The following PPP1R1C variants were observed in gnomAD, a reference collection of about 807,000 sequenced individuals.
PPP1R1C encodes protein phosphatase 1 regulatory inhibitor subunit 1C.
Under a neutral mutation model 17.4 loss-of-function variants are expected in PPP1R1C, and 15 were observed. The ratio of observed to expected loss-of-function variants is 0.86; its 90% CI spans 0.58 to 1.33. The LOEUF (loss-of-function observed/expected upper bound fraction) is 1.33. Ranked by LOEUF, PPP1R1C falls within the 40% of genes most tolerant of loss-of-function variation. The pLI, the probability that PPP1R1C is intolerant of heterozygous loss-of-function variation, is 0.00. For missense variants in PPP1R1C, 143 were observed against 130.0 expected (o/e 1.10, Z -0.48); for synonymous variants, 35 against 43.1 (o/e 0.81, Z 0.73).
At chr2:182,131,330 T>C (rs926288012), downstream of PPP1R1C, 2 of 152,142 alleles carry the variant, frequency 1.3e-5, no homozygotes, top group Admixed American at 6.6e-5. Context: ...TGTATATATG[T>C]ATATTCATAA....
chr2:181,994,483 T>G (rs1263760961), intron 2 of PPP1R1C, among the ~76,000 whole-genome samples: 1 of 152,200 alleles, frequency 6.6e-6, no homozygotes, highest in Non-Finnish European at 1.5e-5. Flanking sequence ...CTTTTAAGAC[T>G]TAGTCTAGAC....
intron 2 of PPP1R1C, among the ~76,000 whole-genome samples, chr2:181,999,458 T>C (rs1329969497): frequency 6.6e-6 from 1 of 152,162 alleles, no homozygotes; most frequent in Non-Finnish European, 1.5e-5. Context: ...GTAATGTACA[T>C]ATAGATTGTG....
chr2:182,054,267 G>A (rs915487918), intron 2 of PPP1R1C, among the ~76,000 whole-genome samples: 1 of 152,122 alleles, frequency 6.6e-6, no homozygotes, highest in Non-Finnish European at 1.5e-5. Flanking sequence ...TTCTGTAATG[G>A]TAACATTTAT....
chr2:182,070,789 T>TA (rs1688117274), intron 4 of PPP1R1C, among the ~76,000 whole-genome samples: 1 of 152,214 alleles, frequency 6.6e-6, no homozygotes, highest in Non-Finnish European at 1.5e-5. Context: ...AGCATGATGC[T>TA]AGCACCTGCT....
chr2:181,973,165 C>T (rs1163419079), intron 1 of PPP1R1C, among the ~76,000 whole-genome samples: 3 of 152,108 alleles, frequency 2.0e-5, no homozygotes, highest in Non-Finnish European at 2.9e-5. Context: ...ACCAGGCCCA[C>T]CCCAGACCAC....
intron 2 of PPP1R1C, among the ~76,000 whole-genome samples, chr2:182,051,446 T>C (rs550597462): frequency 6.6e-6 from 1 of 152,326 alleles, no homozygotes; most frequent in East Asian, 1.9e-4. Flanking sequence ...TTCATAAGGC[T>C]TAGCCATGGT....
downstream of PPP1R1C, among the ~76,000 whole-genome samples, chr2:182,122,687 T>G (rs1689762056): frequency 6.6e-6 from 1 of 152,086 alleles, no homozygotes; most frequent in African/African-American, 2.4e-5. Context: ...TGAGATTTAC[T>G]TTTAAATACG....
intron 4 of PPP1R1C, among the ~76,000 whole-genome samples, chr2:182,114,795 A>G (rs1689534614): frequency 6.6e-6 from 1 of 152,202 alleles, no homozygotes; most frequent in South Asian, 2.1e-4. Flanking sequence ...CATTTGTCCA[A>G]GCGAGTGATT....
At chr2:182,122,077 G>A (rs975868180), downstream of PPP1R1C, among the ~76,000 whole-genome samples, 1 of 152,140 alleles carries the variant, frequency 6.6e-6, no homozygotes, top group African/African-American at 2.4e-5. Flanking sequence ...TAAGTTAGGG[G>A]TTATTTTTCT....
At chr2:182,022,298 C>A (rs565235089) in intron 2 of PPP1R1C, among the ~76,000 whole-genome samples, 1 of 152,206 alleles carries the variant, frequency 6.6e-6, no homozygotes, top group South Asian at 2.1e-4. Context: ...CTTTGCAAGG[C>A]TCTGGGGGGA....
intron 4 of PPP1R1C, among the ~76,000 whole-genome samples, chr2:182,078,803 T>G (rs915205204): frequency 6.6e-6 from 1 of 152,228 alleles, no homozygotes; most frequent in African/African-American, 2.4e-5. Flanking sequence ...ATATGTATAG[T>G]GCCCAATATG....
chr2:182,122,554 G>GT (rs969812936), downstream of PPP1R1C, among the ~76,000 whole-genome samples: 14 of 151,978 alleles, frequency 9.2e-5, no homozygotes, highest in Admixed American at 2.0e-4. Flanking sequence ...CTAGTTTTTT[G>GT]TTTTTTTGAG....
chr2:182,058,026 C>G (rs1687740593), intron 2 of PPP1R1C, among the ~76,000 whole-genome samples: 1 of 152,042 alleles, frequency 6.6e-6, no homozygotes, highest in African/African-American at 2.4e-5. Flanking sequence ...TTTCCCTATT[C>G]TTAATATTCT....
intron 2 of PPP1R1C, among the ~76,000 whole-genome samples, chr2:182,040,925 T>C (rs773236782): frequency 6.6e-6 from 1 of 152,214 alleles, no homozygotes; most frequent in Non-Finnish European, 1.5e-5. Context: ...CCCTAGTTTA[T>C]GTTTTTGTAT....
chr2:182,013,949 T>C (rs1201173022), intron 2 of PPP1R1C, among the ~76,000 whole-genome samples: 2 of 152,234 alleles, frequency 1.3e-5, no homozygotes, highest in Admixed American at 1.3e-4. Flanking sequence ...CTGTGTTATC[T>C]TGAATTTCAT....
intron 4 of PPP1R1C, among the ~76,000 whole-genome samples, chr2:182,104,996 A>G (rs1689202729): frequency 1.3e-5 from 2 of 152,170 alleles, no homozygotes; most frequent in Admixed American, 1.3e-4. Context: ...AATGGAAGAA[A>G]CTGACAATGC....
chr2:182,072,624 C>T (rs1035852288), intron 4 of PPP1R1C, among the ~76,000 whole-genome samples: 2 of 151,992 alleles, frequency 1.3e-5, no homozygotes, highest in Non-Finnish European at 2.9e-5. Flanking sequence ...AGAATAGCAA[C>T]GGGCCTCATT....
chr2:182,057,885 A>C (rs1687734640), intron 2 of PPP1R1C, among the ~76,000 whole-genome samples: 1 of 152,060 alleles, frequency 6.6e-6, no homozygotes, highest in African/African-American at 2.4e-5. Flanking sequence ...GGGTGATTTT[A>C]TTTGGATTTA....
intron 5 of PPP1R1C, among the ~76,000 whole-genome samples, chr2:182,125,340 G>A (rs1042311239): frequency 2.6e-5 from 4 of 152,106 alleles, no homozygotes; most frequent in Admixed American, 2.0e-4. Context: ...TGTTCATCAG[G>A]TATATTGGCC....
Sources: allele counts gnomAD v4.1 joint callset (sites outside exome capture counted in the v4.1 genomes callset), GRCh38; gene constraint gnomAD v4.1.1; transcripts MANE v1.5; gene names NCBI Gene and HGNC (gene_info 2026-07-23, HGNC 2026-07-21).